The following ZCCHC7 variants were observed in gnomAD, a reference collection of about 807,000 sequenced individuals.
ZCCHC7 encodes the protein zinc finger CCHC-type containing 7.
A neutral mutation model predicts 52.0 loss-of-function variants in ZCCHC7; 35 were observed. That is an observed-to-expected ratio of 0.67 (90% CI 0.51 to 0.89). ZCCHC7 has a LOEUF of 0.89. ZCCHC7 is among the 40% of genes least tolerant of loss of function. The pLI is 0.00. For synonymous variants in ZCCHC7, 217 were observed against 221.5 expected, an observed-to-expected ratio of 0.98 and a Z score of 0.18; for missense variants, 574 against 649.1, an observed-to-expected ratio of 0.88 and a Z score of 1.26.
At chr9:37,253,256 T>C (rs574996159) in intron 2 of ZCCHC7, among the ~76,000 whole-genome samples, 1 of 152,182 alleles carries the variant, frequency 6.6e-6, no homozygotes, top group East Asian at 1.9e-4. Flanking sequence ...ATCATAGTTT[T>C]TTTTTAAAGG....
At chr9:37,217,488 T>A (rs1392891852) in intron 2 of ZCCHC7, among the ~76,000 whole-genome samples, 1 of 152,140 alleles carries the variant, frequency 6.6e-6, no homozygotes, top group African/African-American at 2.4e-5. Context: ...CCTATAGTAT[T>A]TTGGCACCTT....
intron 2 of ZCCHC7, among the ~76,000 whole-genome samples, chr9:37,225,595 T>C (rs1825056116): frequency 6.6e-6 from 1 of 152,172 alleles, no homozygotes; most frequent in South Asian, 2.1e-4. Flanking sequence ...TATGTCATGA[T>C]CAAGTGAAGT....
intron 2 of ZCCHC7, among the ~76,000 whole-genome samples, chr9:37,205,543 G>T (rs1326541603): frequency 6.6e-6 from 1 of 152,316 alleles, no homozygotes; most frequent in Admixed American, 6.5e-5. Flanking sequence ...TTGAGACGGA[G>T]TCTCGCTCAG....
chr9:37,169,621 TTTA>T (rs1821619579), intron 2 of ZCCHC7, among the ~76,000 whole-genome samples: 2 of 152,244 alleles, frequency 1.3e-5, no homozygotes, highest in African/African-American at 4.8e-5. Context: ...TGCTATTTTC[TTTA>T]TTATCTTTTA....
chr9:37,200,420 A>G (rs555358066), intron 2 of ZCCHC7, among the ~76,000 whole-genome samples: 1 of 152,150 alleles, frequency 6.6e-6, no homozygotes, highest in Non-Finnish European at 1.5e-5. Context: ...TGTTTTCCTC[A>G]TATTCCTTAC....
In ZCCHC7 at chr9:37,263,664, C is replaced by T. The variant is rs116796794; in HGVS notation, c.611-38524C>T. Among the ~76,000 whole-genome samples, 10 of 152,064 alleles carry T rather than the reference C, an allele frequency of 6.6e-5. No individual in the cohort carries two copies. In the East Asian group the frequency reaches 1.3e-3, roughly 20 times the overall value. ...GACAATTTTATGTAATTATTTTTCA[C>T]GTGGCAAATTTCATTGTACACTACA... On this transcript the variant is annotated intron_variant, in intron 2 of 8. Transcript: ENST00000336755.
At chr9:37,276,991 C>G (rs1564219989) in intron 2 of ZCCHC7, among the ~76,000 whole-genome samples, 1 of 152,186 alleles carries the variant, frequency 6.6e-6, no homozygotes, top group Non-Finnish European at 1.5e-5. Flanking sequence ...AGTACCTTCT[C>G]TCTCCTAGGA....
intron 2 of ZCCHC7, 49 bp from the exon 3 acceptor site, chr9:37,302,139 A>T (rs777332210): frequency 1.4e-6 from 2 of 1,452,984 alleles, no homozygotes; most frequent in Non-Finnish European, 1.9e-6. Flanking sequence ...GTCAATCTAT[A>T]AGTCCTTTAA....
chr9:37,192,355 G>C (rs1391880271), intron 2 of ZCCHC7, among the ~76,000 whole-genome samples: 2 of 152,064 alleles, frequency 1.3e-5, no homozygotes, highest in African/African-American at 4.8e-5. Flanking sequence ...TTTACCCTTT[G>C]AGCCATATTG....
intron 2 of ZCCHC7, among the ~76,000 whole-genome samples, chr9:37,274,520 G>A (rs1827591200): frequency 6.6e-6 from 1 of 151,440 alleles, no homozygotes. Context: ...TTGTAATTTA[G>A]TAGAGATGGG....
chr9:37,244,816 T>C (rs1338861094), intron 2 of ZCCHC7, among the ~76,000 whole-genome samples: 2 of 151,898 alleles, frequency 1.3e-5, no homozygotes, highest in Non-Finnish European at 2.9e-5. Flanking sequence ...AATTTTTTTT[T>C]AAGTCAGTAG....
intron 6 of ZCCHC7, among the ~76,000 whole-genome samples, chr9:37,337,032 G>C (rs906872529): frequency 6.6e-6 from 1 of 152,132 alleles, no homozygotes; most frequent in African/African-American, 2.4e-5. Flanking sequence ...TTCCTGAGAG[G>C]ATTATTTAAC....
At chr9:37,320,089 TG>T (rs554155273) in intron 5 of ZCCHC7, among the ~76,000 whole-genome samples, 124 of 152,284 alleles carry the variant, frequency 8.1e-4, no homozygotes, top group African/African-American at 2.8e-3. Flanking sequence ...GCTTTTGTTT[TG>T]TTTTTGAGAC....
At chr9:37,300,536 G>T (rs192539188) in intron 2 of ZCCHC7, among the ~76,000 whole-genome samples, 1 of 152,130 alleles carries the variant, frequency 6.6e-6, no homozygotes, top group African/African-American at 2.4e-5. Context: ...GCATACCTGT[G>T]GATTGGTCTT....
chr9:37,280,935 A>G (rs1827928829), intron 2 of ZCCHC7, among the ~76,000 whole-genome samples: 1 of 152,176 alleles, frequency 6.6e-6, no homozygotes, highest in Admixed American at 6.5e-5. Context: ...AAAAGTAATA[A>G]TGTGTGATTT....
At chr9:37,138,731 A>G (rs1843098996) in intron 2 of ZCCHC7, among the ~76,000 whole-genome samples, 1 of 150,358 alleles carries the variant, frequency 6.7e-6, no homozygotes. Flanking sequence ...ATGGAAAAGC[A>G]TAAAATTAGA....
intron 6 of ZCCHC7, among the ~76,000 whole-genome samples, chr9:37,342,981 C>T (rs183846044): frequency 5.9e-5 from 9 of 152,350 alleles, no homozygotes; most frequent in African/African-American, 2.2e-4. Flanking sequence ...ACTTTTCTTC[C>T]ATGCTTTTTC....
intron 2 of ZCCHC7, among the ~76,000 whole-genome samples, chr9:37,187,532 A>G (rs1564166224): frequency 6.6e-6 from 1 of 152,160 alleles, no homozygotes; most frequent in Admixed American, 6.5e-5. Flanking sequence ...ATTGTTCCCC[A>G]GAGTTTGGGG....
intron 6 of ZCCHC7, among the ~76,000 whole-genome samples, chr9:37,337,077 A>C (rs2118392910): frequency 6.6e-6 from 1 of 152,252 alleles, no homozygotes; most frequent in African/African-American, 2.4e-5. Flanking sequence ...CTGGCTGATT[A>C]ATGAACTTTC....
Sources: gnomAD v4.1 joint callset for allele counts (sites outside exome capture counted in the v4.1 genomes callset) on GRCh38, gnomAD v4.1.1 for gene constraint, MANE v1.5 for transcripts, NCBI Gene and HGNC (gene_info 2026-07-23, HGNC 2026-07-21) for gene names.